Variants in GAB2 observed in about 807,000 individuals in gnomAD.
The protein encoded by GAB2 is GRB2-associated-binding protein 2.
A neutral mutation model predicts 65.5 loss-of-function variants in GAB2; 26 were observed. The ratio of observed to expected loss-of-function variants is 0.40; its 90% CI spans 0.29 to 0.55. The LOEUF is 0.55. Ranked by LOEUF, GAB2 falls within the 20% of genes least tolerant of loss-of-function variation. The pLI is 0.53. For synonymous variants in GAB2, 321 were observed against 329.6 expected, an observed-to-expected ratio of 0.97 and a Z score of 0.28; for missense variants, 884 against 875.8, an observed-to-expected ratio of 1.01 and a Z score of -0.12.
At chr11:78,382,588 C>A (rs1165449678) in intron 1 of GAB2, among the ~76,000 whole-genome samples, 2 of 152,058 alleles carry the variant, frequency 1.3e-5, no homozygotes, top group African/African-American at 4.8e-5. Context: ...CCAAGAACAG[C>A]AGTTAGGTAA....
intron 1 of GAB2, among the ~76,000 whole-genome samples, chr11:78,349,443 G>T (rs757364117): frequency 2.6e-5 from 4 of 152,164 alleles, no homozygotes; most frequent in African/African-American, 4.8e-5. Flanking sequence ...GAGACAACAG[G>T]CTCAGAAAGT....
intron 1 of GAB2, among the ~76,000 whole-genome samples, chr11:78,389,779 T>C (rs1856810920): frequency 6.6e-6 from 1 of 152,202 alleles, no homozygotes; most frequent in Non-Finnish European, 1.5e-5. Context: ...CACCATAAAG[T>C]TGAAGCCCCT....
intron 1 of GAB2, among the ~76,000 whole-genome samples, chr11:78,297,887 C>A (rs1866883595): frequency 6.6e-6 from 1 of 152,048 alleles, no homozygotes; most frequent in Non-Finnish European, 1.5e-5. Flanking sequence ...TACACACATA[C>A]ACACATTTTA....
At chr11:78,236,804 C>A (rs918270456) in intron 3 of GAB2, among the ~76,000 whole-genome samples, 6 of 151,622 alleles carry the variant, frequency 4.0e-5, no homozygotes, top group African/African-American at 1.5e-4. Context: ...ACCAACCTTA[C>A]ACTCCTGGGA....
intron 1 of GAB2, among the ~76,000 whole-genome samples, chr11:78,340,492 T>C (rs1386416974): frequency 6.6e-6 from 1 of 152,144 alleles, no homozygotes. Context: ...TCCTGTGTCA[T>C]TCCTCCTATC....
intron 1 of GAB2, among the ~76,000 whole-genome samples, chr11:78,387,834 G>A (rs1372495389): frequency 2.0e-5 from 3 of 152,172 alleles, no homozygotes; most frequent in Non-Finnish European, 4.4e-5. Context: ...GGCACTAGAG[G>A]AAGATTGCTT....
intron 1 of GAB2, among the ~76,000 whole-genome samples, chr11:78,303,819 T>C (rs1237042637): frequency 1.3e-5 from 2 of 152,206 alleles, no homozygotes; most frequent in Non-Finnish European, 2.9e-5. Flanking sequence ...GGAGGTTTCT[T>C]ACCTCTCCCG....
In GAB2 at chr11:78,216,801, A is replaced by G. The variant is rs1245104180; in HGVS notation, c.*2471T>C. ...CGGGTACAGGGAAGGCACCAGTTAA[A>G]AGCTCTGTCGTATGGGGCCCCTTGT... On this transcript the variant is annotated 3_prime_UTR_variant, in exon 10 of 10. Coordinates refer to ENST00000361507, the MANE Select transcript of GAB2 (RefSeq NM_080491.3). The G allele has an allele frequency of 6.6e-6, 1 of 152,184 alleles. No homozygotes were observed. The highest frequency in any genetic ancestry group is 1.5e-5 in the Non-Finnish European group (1 of 68,076). 9.4% of individuals were successfully genotyped at this position (152,184 alleles called of 1,614,324 possible).
At chr11:78,227,300 A>G (rs1019060067) in intron 3 of GAB2, among the ~76,000 whole-genome samples, 13 of 152,222 alleles carry the variant, frequency 8.5e-5, no homozygotes, top group African/African-American at 2.2e-4. Flanking sequence ...ACAAGTATCA[A>G]TAAGCCAGAT....
chr11:78,381,015 C>T (rs1005529567), intron 1 of GAB2, among the ~76,000 whole-genome samples: 1 of 152,212 alleles, frequency 6.6e-6, no homozygotes, highest in African/African-American at 2.4e-5. Context: ...TGACCCCATT[C>T]ATTTGGAGTC....
At chr11:78,363,192 T>C (rs1326230647) in intron 1 of GAB2, among the ~76,000 whole-genome samples, 3 of 152,220 alleles carry the variant, frequency 2.0e-5, no homozygotes, top group Admixed American at 2.0e-4. Context: ...CTGGTTCTGG[T>C]GACCAGTATT....
In GAB2 at chr11:78,267,857, C is replaced by CAAAAAAAA. The variant is rs751533828; in HGVS notation, c.376+12736_376+12743dup. On this transcript the variant is annotated intron_variant, in intron 2 of 9. Transcript: ENST00000361507. ...TGGGTGATAGAGCGAGACTCCGTCT[C>CAAAAAAAA]AAAAAAAAAAAAAAAAAAAAAAAAG... Among the ~76,000 whole-genome samples, 80 of 32,796 alleles carry CAAAAAAAA rather than the reference C, an allele frequency of 2.4e-3. 3 individuals are homozygous for CAAAAAAAA. The highest frequency in any genetic ancestry group is 4.2e-3 in the Non-Finnish European group (65 of 15,360). 21.5% of individuals were successfully genotyped at this position (32,796 alleles called of 152,430 possible).
chr11:78,232,351 ATCATCTGTTACAG>A (rs1364192328), intron 3 of GAB2, among the ~76,000 whole-genome samples: 2 of 152,202 alleles, frequency 1.3e-5, no homozygotes, highest in African/African-American at 4.8e-5. Flanking sequence ...ACATCAATGT[ATCATCTGTTACAG>A]GTTTAACAGC....
chr11:78,305,156 G>A (rs191276600), intron 1 of GAB2, among the ~76,000 whole-genome samples: 3 of 152,224 alleles, frequency 2.0e-5, no homozygotes, highest in South Asian at 4.1e-4. Flanking sequence ...GAAAGAAAGG[G>A]ATTATCATAA....
intron 1 of GAB2, among the ~76,000 whole-genome samples, chr11:78,307,390 A>G (rs1241986535): frequency 2.0e-5 from 3 of 152,220 alleles, no homozygotes; most frequent in African/African-American, 7.2e-5. Context: ...GCTTTAAAAT[A>G]TATCACAGAA....
intron 1 of GAB2, among the ~76,000 whole-genome samples, chr11:78,364,641 C>T (rs1459538169): frequency 6.6e-6 from 1 of 152,122 alleles, no homozygotes; most frequent in African/African-American, 2.4e-5. Flanking sequence ...TAATAGCCAT[C>T]CCCCCAAATT....
intron 1 of GAB2, among the ~76,000 whole-genome samples, chr11:78,386,984 T>C (rs1202826562): frequency 6.6e-6 from 1 of 152,230 alleles, no homozygotes; most frequent in Non-Finnish European, 1.5e-5. Context: ...CAAAATGACA[T>C]GTTTTGTTAG....
chr11:78,232,061 T>A (rs1864865132), intron 3 of GAB2: 1 of 152,242 alleles, frequency 6.6e-6, no homozygotes, highest in African/African-American at 2.4e-5. Context: ...TGAGCCAATT[T>A]TGGCAGGACT....
At chr11:78,227,343 G>A (rs115293361) in intron 3 of GAB2, among the ~76,000 whole-genome samples, 22 of 152,202 alleles carry the variant, frequency 1.4e-4, no homozygotes, top group African/African-American at 5.3e-4. Flanking sequence ...TTTAAGTACC[G>A]CAGAATATGC....
Sources: gnomAD v4.1 joint callset for allele counts (sites outside exome capture counted in the v4.1 genomes callset) on GRCh38, gnomAD v4.1.1 for gene constraint, MANE v1.5 for transcripts, NCBI Gene and HGNC (gene_info 2026-07-23, HGNC 2026-07-21) for gene names.